PCDH9: variants seen among roughly 807,000 people sequenced by gnomAD.
PCDH9 encodes the protein protocadherin-9.
A neutral mutation model predicts 70.6 loss-of-function variants in PCDH9; 24 were observed. The ratio of observed to expected loss-of-function variants is 0.34; its 90% CI spans 0.25 to 0.48. The LOEUF (loss-of-function observed/expected upper bound fraction) is 0.48. Among genes scored for constraint, PCDH9 ranks in the 20% least tolerant of loss-of-function variants. The pLI, the probability that PCDH9 is intolerant of heterozygous loss-of-function variation, is 0.99. For missense variants in PCDH9, 1,281 were observed against 1,503.6 expected (o/e 0.85, Z 2.45); for synonymous variants, 562 against 558.5 (o/e 1.01, Z -0.09).
At chr13:66,549,982 A>C (rs1483624313) in intron 4 of PCDH9, among the ~76,000 whole-genome samples, 1 of 152,166 alleles carries the variant, frequency 6.6e-6, no homozygotes. Flanking sequence ...ACATTAATTG[A>C]AAAAAATACA....
chr13:67,126,316 G>A (rs911681410), intron 2 of PCDH9, among the ~76,000 whole-genome samples: 4 of 152,080 alleles, frequency 2.6e-5, no homozygotes, highest in Non-Finnish European at 5.9e-5. Flanking sequence ...CCAGATCAGA[G>A]TAGCCAAAAT....
chr13:66,595,898 C>A (rs913828791), intron 4 of PCDH9, among the ~76,000 whole-genome samples: 48 of 151,552 alleles, frequency 3.2e-4, no homozygotes, highest in African/African-American at 1.1e-3. Flanking sequence ...AAGACTATGA[C>A]CTTTCAAAAT....
At chr13:66,653,696 G>T (rs751933801) in intron 3 of PCDH9, among the ~76,000 whole-genome samples, 2 of 151,996 alleles carry the variant, frequency 1.3e-5, no homozygotes, top group Admixed American at 1.3e-4. Context: ...CGCCGGGCAC[G>T]GTGGCTCATG....
chr13:66,318,323 AAAG>A (rs1243079374), intron 4 of PCDH9, among the ~76,000 whole-genome samples: 1 of 152,162 alleles, frequency 6.6e-6, no homozygotes, highest in East Asian at 1.9e-4. Flanking sequence ...TTTTTTGACA[AAAG>A]AAGAGAAATT....
At chr13:66,583,820 C>A (rs2076927786) in intron 4 of PCDH9, among the ~76,000 whole-genome samples, 1 of 152,102 alleles carries the variant, frequency 6.6e-6, no homozygotes, top group South Asian at 2.1e-4. Flanking sequence ...AGAAATATAA[C>A]TTCTTGCTAA....
At chr13:67,183,684 C>T (rs2088675679) in intron 2 of PCDH9, among the ~76,000 whole-genome samples, 1 of 151,920 alleles carries the variant, frequency 6.6e-6, no homozygotes, top group Admixed American at 6.6e-5. Context: ...ATATTTTTTA[C>T]TTTTATAATG....
At chr13:66,360,890 T>C (rs1385008040) in intron 4 of PCDH9, among the ~76,000 whole-genome samples, 1 of 152,132 alleles carries the variant, frequency 6.6e-6, no homozygotes, top group African/African-American at 2.4e-5. Flanking sequence ...AGGTAACTTA[T>C]TTGTCTGAGT....
intron 3 of PCDH9, among the ~76,000 whole-genome samples, chr13:66,699,402 T>C (rs1314092617): frequency 2.0e-5 from 3 of 152,066 alleles, no homozygotes; most frequent in African/African-American, 7.2e-5. Flanking sequence ...CAATCTTATG[T>C]AGAAAAAAGC....
chr13:66,633,883 T>C (rs756987249), intron 3 of PCDH9, among the ~76,000 whole-genome samples: 6 of 152,222 alleles, frequency 3.9e-5, no homozygotes, highest in Non-Finnish European at 8.8e-5. Context: ...CGACTAGTTA[T>C]ACCTTAATCC....
chr13:66,829,713 G>A (rs1271923688), intron 3 of PCDH9, among the ~76,000 whole-genome samples: 1 of 11,760 alleles, frequency 8.5e-5, no homozygotes, highest in East Asian at 3.4e-3. Context: ...GCGAGACTCC[G>A]TCTCAAAAAA....
intron 2 of PCDH9, among the ~76,000 whole-genome samples, chr13:67,043,430 G>A (rs886756425): frequency 6.6e-6 from 1 of 152,146 alleles, no homozygotes; most frequent in Non-Finnish European, 1.5e-5. Flanking sequence ...GAAAAGGAAA[G>A]GGGAAGAGGA....
At chr13:66,685,562 G>T (rs2139071029) in intron 3 of PCDH9, among the ~76,000 whole-genome samples, 1 of 152,322 alleles carries the variant, frequency 6.6e-6, no homozygotes, top group East Asian at 1.9e-4. Context: ...CTGCCTAGTG[G>T]AGATGTGAGA....
At chr13:66,492,350 T>C (rs1472337990) in intron 4 of PCDH9, among the ~76,000 whole-genome samples, 1 of 151,360 alleles carries the variant, frequency 6.6e-6, no homozygotes, top group Non-Finnish European at 1.5e-5. Context: ...AATCAATATA[T>C]ATTAAAGCTT....
intron 4 of PCDH9, among the ~76,000 whole-genome samples, chr13:66,355,176 G>GT (rs905587966): frequency 2.2e-4 from 32 of 148,686 alleles, no homozygotes; most frequent in South Asian, 4.3e-4. Flanking sequence ...AGTAGATACT[G>GT]TTTTTTTTTT....
At chr13:66,761,859 A>T (rs9540904) in intron 3 of PCDH9, among the ~76,000 whole-genome samples, 11,991 of 151,462 alleles carry the variant, frequency 0.079, 520 homozygotes, top group East Asian at 0.14. Context: ...ATCAGGCAGT[A>T]TATACATCTT....
chr13:67,100,933 T>C (rs1360865976), intron 2 of PCDH9, among the ~76,000 whole-genome samples: 2 of 152,150 alleles, frequency 1.3e-5, no homozygotes, highest in African/African-American at 2.4e-5. Flanking sequence ...AAAATGGGTG[T>C]GTTCCTCTGG....
At chr13:66,988,203 G>A (rs1396742255) in intron 2 of PCDH9, among the ~76,000 whole-genome samples, 1 of 151,990 alleles carries the variant, frequency 6.6e-6, no homozygotes, top group African/African-American at 2.4e-5. Flanking sequence ...CCTAAGAAAT[G>A]AAAGTTGACT....
chr13:66,906,804 A>G (rs1344275845), intron 2 of PCDH9, among the ~76,000 whole-genome samples: 1 of 152,098 alleles, frequency 6.6e-6, no homozygotes, highest in Non-Finnish European at 1.5e-5. Flanking sequence ...AAATACCCAA[A>G]CTTTTAAGAA....
chr13:66,888,708 G>T (rs555078215), intron 3 of PCDH9, among the ~76,000 whole-genome samples: 12 of 152,056 alleles, frequency 7.9e-5, no homozygotes, highest in African/African-American at 2.9e-4. Context: ...GAAAAAGGAG[G>T]CAGAGAACAG....
Sources: allele counts gnomAD v4.1 joint callset (sites outside exome capture counted in the v4.1 genomes callset), GRCh38; gene constraint gnomAD v4.1.1; transcripts MANE v1.5; gene names NCBI Gene and HGNC (gene_info 2026-07-23, HGNC 2026-07-21).